TOM1L2: variants seen among roughly 807,000 people sequenced by gnomAD.
The protein encoded by TOM1L2 is target of myb1 like 2 membrane trafficking protein.
Under a neutral mutation model 67.9 loss-of-function variants are expected in TOM1L2, and 31 were observed. That is an observed-to-expected ratio of 0.46 (90% CI 0.34 to 0.62). TOM1L2 has a LOEUF of 0.62. Ranked by LOEUF, TOM1L2 falls within the 20% of genes least tolerant of loss-of-function variation. TOM1L2 has a pLI of 0.01. For synonymous variants in TOM1L2, 256 were observed against 254.0 expected (o/e 1.01, Z -0.07); for missense variants, 606 against 663.5 (o/e 0.91, Z 0.95).
At chr17:17,907,666 T>A in intron 1 of TOM1L2, 135 bp from the exon 2 acceptor site, 1 of 698,988 alleles carries the variant, frequency 1.4e-6, no homozygotes, top group Non-Finnish European at 2.4e-6. Flanking sequence ...ATTCTAGGAG[T>A]GCTATTATCA....
At chr17:17,953,915 C>G (rs929773288) in intron 1 of TOM1L2, among the ~76,000 whole-genome samples, 7 of 152,256 alleles carry the variant, frequency 4.6e-5, no homozygotes, top group African/African-American at 1.7e-4. Flanking sequence ...ACAAGGATGC[C>G]TTCCCTTGTA....
chr17:17,887,212 G>A (rs1197930813), intron 4 of TOM1L2, among the ~76,000 whole-genome samples: 16 of 152,338 alleles, frequency 1.1e-4, no homozygotes, highest in East Asian at 1.9e-4. Flanking sequence ...TAATCTACCC[G>A]CTTCCTACCT....
chr17:17,952,376 C>CTTTTTTTTTTTTTTTTTTTTTTTTTT (rs60388742), intron 1 of TOM1L2, among the ~76,000 whole-genome samples: 2 of 79,920 alleles, frequency 2.5e-5, no homozygotes, highest in African/African-American at 4.4e-5. Flanking sequence ...TCTTTATTTT[C>CTTTTTTTTTTTTTTTTTTTTTTTTTT]TTTTTTTTTT....
intron 10 of TOM1L2, 73 bp from the exon 11 acceptor site, chr17:17,862,921 G>T: frequency 1.1e-6 from 1 of 874,244 alleles, no homozygotes; most frequent in Non-Finnish European, 1.7e-6. Context: ...GGGCCCCCAA[G>T]CTAGGACGCC....
At chr17:17,868,952 G>T (rs2036998446) in intron 8 of TOM1L2, 1 of 161,494 alleles carries the variant, frequency 6.2e-6, no homozygotes, top group South Asian at 1.7e-4. Flanking sequence ...TCTTACTAGA[G>T]ATTTTTTTTC....
intron 10 of TOM1L2, among the ~76,000 whole-genome samples, chr17:17,864,412 G>A (rs1287725968): frequency 3.3e-5 from 5 of 151,022 alleles, no homozygotes; most frequent in Non-Finnish European, 7.4e-5. Context: ...GGGTTTCACC[G>A]TGCTAGCCAG....
intron 1 of TOM1L2, among the ~76,000 whole-genome samples, chr17:17,949,608 A>G (rs1420494807): frequency 1.3e-5 from 2 of 152,234 alleles, no homozygotes. Context: ...GTGGCATCCA[A>G]GCCTCACCTT....
At chr17:17,874,307 G>A (rs1461829802) in intron 7 of TOM1L2, among the ~76,000 whole-genome samples, 1 of 151,416 alleles carries the variant, frequency 6.6e-6, no homozygotes, top group Non-Finnish European at 1.5e-5. Context: ...GTCTTGCTCT[G>A]TCACCCAGGC....
At chr17:17,957,119 C>T (rs1159029651) in intron 1 of TOM1L2, among the ~76,000 whole-genome samples, 1 of 152,222 alleles carries the variant, frequency 6.6e-6, no homozygotes, top group Non-Finnish European at 1.5e-5. Context: ...GCTAGGACTA[C>T]AGGGAGTAGC....
chr17:17,940,400 TATG>T (rs1423338788), intron 1 of TOM1L2, among the ~76,000 whole-genome samples: 1 of 151,990 alleles, frequency 6.6e-6, no homozygotes, highest in African/African-American at 2.4e-5. Context: ...CTCAGAAAAG[TATG>T]ATAACTTGTC....
chr17:17,871,668 C>T (rs949671265), intron 7 of TOM1L2, among the ~76,000 whole-genome samples: 2 of 152,078 alleles, frequency 1.3e-5, no homozygotes, highest in African/African-American at 4.8e-5. Context: ...GAGACCCTGT[C>T]TCCAAAAAAT....
intron 3 of TOM1L2, among the ~76,000 whole-genome samples, chr17:17,895,865 G>A (rs1012064692): frequency 1.3e-5 from 2 of 152,172 alleles, no homozygotes; most frequent in Non-Finnish European, 2.9e-5. Flanking sequence ...AGGATCAGAG[G>A]TACCATGTAA....
chr17:17,958,989 T>C (rs774819294), intron 1 of TOM1L2, among the ~76,000 whole-genome samples: 6 of 152,204 alleles, frequency 3.9e-5, no homozygotes, highest in Non-Finnish European at 8.8e-5. Context: ...GTTGAACACA[T>C]AAAGGTGCTG....
chr17:17,852,267 C>T (rs915943690), intron 12 of TOM1L2, among the ~76,000 whole-genome samples: 3 of 152,184 alleles, frequency 2.0e-5, no homozygotes, highest in African/African-American at 7.2e-5. Flanking sequence ...ACACATATCA[C>T]CAGCAGTGAT....
chr17:17,848,796 G>A (rs767218531), intron 14 of TOM1L2, 27 bp downstream of exon 14: 2 of 1,613,400 alleles, frequency 1.2e-6, no homozygotes, highest in Non-Finnish European at 1.7e-6. Context: ...ACAAAAGGGG[G>A]CTGTAAGGCC....
chr17:17,867,686 A>C (rs2036935143), intron 8 of TOM1L2, among the ~76,000 whole-genome samples: 1 of 152,188 alleles, frequency 6.6e-6, no homozygotes, highest in African/African-American at 2.4e-5. Flanking sequence ...TTCCAGCTGG[A>C]GCCTTAGACA....
chr17:17,880,592 ACT>A (rs747879783), intron 6 of TOM1L2, among the ~76,000 whole-genome samples: 9 of 152,152 alleles, frequency 5.9e-5, no homozygotes, highest in Non-Finnish European at 1.0e-4. Context: ...TGGTCCCATC[ACT>A]CAGTGACAAG....
rs2038664938 is a variant in TOM1L2, at chr17:17,898,073, C to G, written c.216+523G>C. On this transcript the variant is annotated intron_variant, in intron 3 of 14. Coordinates refer to ENST00000379504, the MANE Select transcript of TOM1L2 (RefSeq NM_001082968.2). ...CCTGAGTAGCTGGGACTACAGGCAC[C>G]TGCCACCATGCCTGGCTAATTTTTG... Among the ~76,000 whole-genome samples the G allele has an allele frequency of 2.0e-5, 3 of 152,086 alleles. No homozygotes were observed. In the South Asian group the frequency reaches 6.2e-4, roughly 32 times the overall value.
intron 1 of TOM1L2, among the ~76,000 whole-genome samples, chr17:17,950,605 G>A (rs1272519024): frequency 6.6e-6 from 1 of 152,084 alleles, no homozygotes; most frequent in African/African-American, 2.4e-5. Flanking sequence ...GTCTTGGCGG[G>A]GAGCCTTAGG....
Sources: gnomAD v4.1 joint callset for allele counts (sites outside exome capture counted in the v4.1 genomes callset) on GRCh38, gnomAD v4.1.1 for gene constraint, MANE v1.5 for transcripts, NCBI Gene and HGNC (gene_info 2026-07-23, HGNC 2026-07-21) for gene names.